The following CNTNAP2 variants were observed in gnomAD, a reference collection of about 807,000 sequenced individuals.
The protein encoded by CNTNAP2 is contactin associated protein 2.
Under a neutral mutation model 155.2 loss-of-function variants are expected in CNTNAP2, and 98 were observed. The ratio of observed to expected loss-of-function variants is 0.63; its 90% CI spans 0.54 to 0.75. The LOEUF (loss-of-function observed/expected upper bound fraction) is 0.75, where lower values mean the gene tolerates loss of function less well. CNTNAP2 is among the 30% of genes least tolerant of loss of function. CNTNAP2 has a pLI of 0.00. For missense variants in CNTNAP2, 1,727 were observed against 1,688.1 expected (o/e 1.02, Z -0.40); for synonymous variants, 651 against 631.2 (o/e 1.03, Z -0.47).
intron 15 of CNTNAP2, among the ~76,000 whole-genome samples, chr7:148,086,962 C>T (rs916927423): frequency 2.6e-5 from 4 of 152,114 alleles, no homozygotes; most frequent in Non-Finnish European, 4.4e-5. Flanking sequence ...ATTATCCCAT[C>T]GTTGTGATAT....
chr7:146,915,427 A>T (rs909244392), intron 3 of CNTNAP2, among the ~76,000 whole-genome samples: 1 of 152,112 alleles, frequency 6.6e-6, no homozygotes, highest in East Asian at 1.9e-4. Context: ...CACAATATTG[A>T]TTCTACCCAT....
intron 4 of CNTNAP2, among the ~76,000 whole-genome samples, chr7:147,092,948 C>T (rs879833932): frequency 2.0e-5 from 3 of 151,994 alleles, no homozygotes; most frequent in Admixed American, 1.3e-4. Flanking sequence ...TATGGCCGGG[C>T]GCGGTGGCTC....
intron 2 of CNTNAP2, among the ~76,000 whole-genome samples, chr7:146,804,760 G>A (rs1022711412): frequency 4.6e-5 from 7 of 152,106 alleles, no homozygotes; most frequent in African/African-American, 9.7e-5. Context: ...ACATGAAATA[G>A]CTACACTCAA....
chr7:147,863,073 C>T (rs1470409495), intron 13 of CNTNAP2, among the ~76,000 whole-genome samples: 7 of 152,036 alleles, frequency 4.6e-5, no homozygotes, highest in Admixed American at 3.3e-4. Context: ...AATGCTATTC[C>T]TCCCCCAGGC....
chr7:146,404,593 A>G (rs920753312), intron 1 of CNTNAP2, among the ~76,000 whole-genome samples: 7 of 152,166 alleles, frequency 4.6e-5, no homozygotes, highest in African/African-American at 1.7e-4. Flanking sequence ...TGCCACAATA[A>G]GTTATCCATT....
chr7:147,508,576 G>T (rs1228235456), intron 11 of CNTNAP2, among the ~76,000 whole-genome samples: 1 of 152,124 alleles, frequency 6.6e-6, no homozygotes, highest in Non-Finnish European at 1.5e-5. Context: ...GTCTTATCAG[G>T]TTAAATCCGG....
intron 8 of CNTNAP2, among the ~76,000 whole-genome samples, chr7:147,282,669 T>C (rs1254659418): frequency 2.6e-5 from 4 of 151,942 alleles, no homozygotes; most frequent in Admixed American, 6.6e-5. Context: ...TTTTATATTA[T>C]GTATCTGTGT....
At chr7:146,885,927 CGGTGTGTGTG>C (rs1795647572) in intron 3 of CNTNAP2, among the ~76,000 whole-genome samples, 2 of 95,054 alleles carry the variant, frequency 2.1e-5, no homozygotes, top group Non-Finnish European at 4.2e-5. Context: ...ATATGTAAGT[CGGTGTGTGTG>C]TGTGTGTGTG....
intron 1 of CNTNAP2, among the ~76,000 whole-genome samples, chr7:146,676,491 A>G (rs1563183927): frequency 6.6e-6 from 1 of 151,750 alleles, no homozygotes; most frequent in Admixed American, 6.6e-5. Flanking sequence ...TACCGGGAGT[A>G]TATGTGCGGG....
intron 21 of CNTNAP2, among the ~76,000 whole-genome samples, chr7:148,373,271 C>T (rs1245547025): frequency 6.6e-6 from 1 of 151,878 alleles, no homozygotes; most frequent in Non-Finnish European, 1.5e-5. Flanking sequence ...GCCTGGCCAA[C>T]GTGGTGAAAC....
At chr7:146,496,489 A>G (rs546117016) in intron 1 of CNTNAP2, among the ~76,000 whole-genome samples, 1 of 152,232 alleles carries the variant, frequency 6.6e-6, no homozygotes, top group Non-Finnish European at 1.5e-5. Context: ...ACTAAAATAA[A>G]AATTACAATG....
At chr7:146,498,551 A>G (rs1393631493) in intron 1 of CNTNAP2, among the ~76,000 whole-genome samples, 2 of 152,216 alleles carry the variant, frequency 1.3e-5, no homozygotes, top group Non-Finnish European at 2.9e-5. Context: ...ATTGGACTTT[A>G]GAAATTTTCA....
At chr7:146,128,901 C>G (rs1415391936) in intron 1 of CNTNAP2, among the ~76,000 whole-genome samples, 1 of 151,900 alleles carries the variant, frequency 6.6e-6, no homozygotes, top group African/African-American at 2.4e-5. Flanking sequence ...TTAAAACTTA[C>G]ATATCTGTAT....
intron 1 of CNTNAP2, among the ~76,000 whole-genome samples, chr7:146,389,594 C>T (rs1297004083): frequency 6.6e-6 from 1 of 151,244 alleles, no homozygotes; most frequent in Admixed American, 6.6e-5. Flanking sequence ...TTCTTTCCCT[C>T]CTTTTTCTAT....
intron 1 of CNTNAP2, among the ~76,000 whole-genome samples, chr7:146,265,850 A>G (rs1318976773): frequency 6.6e-6 from 1 of 151,938 alleles, no homozygotes; most frequent in African/African-American, 2.4e-5. Context: ...GTATTGGAAC[A>G]TTTGGGTTTT....
At chr7:146,872,643 A>C (rs1272885996) in intron 3 of CNTNAP2, among the ~76,000 whole-genome samples, 1 of 152,194 alleles carries the variant, frequency 6.6e-6, no homozygotes, top group Non-Finnish European at 1.5e-5. Context: ...GCTTAGCTTG[A>C]AGGCATCAAT....
intron 8 of CNTNAP2, among the ~76,000 whole-genome samples, chr7:147,247,507 CTTCA>C (rs1234188430): frequency 9.2e-5 from 14 of 152,164 alleles, no homozygotes; most frequent in African/African-American, 3.1e-4. Context: ...ATGGATTTTC[CTTCA>C]TTCAATCAGT....
intron 15 of CNTNAP2, among the ~76,000 whole-genome samples, chr7:148,014,695 C>A (rs1396885822): frequency 6.6e-6 from 1 of 152,202 alleles, no homozygotes; most frequent in Non-Finnish European, 1.5e-5. Flanking sequence ...GTTTTGAAAT[C>A]CATTAGTGAA....
chr7:148,330,166 TGGACGGATGG>T, intron 21 of CNTNAP2, among the ~76,000 whole-genome samples: 1 of 140,672 alleles, frequency 7.1e-6, no homozygotes, highest in South Asian at 2.3e-4. Context: ...ATGGATGGAG[TGGACGGATGG>T]AGTGGACAGA....
Sources: gnomAD v4.1 joint callset for allele counts (sites outside exome capture counted in the v4.1 genomes callset) on GRCh38, gnomAD v4.1.1 for gene constraint, MANE v1.5 for transcripts, NCBI Gene and HGNC (gene_info 2026-07-23, HGNC 2026-07-21) for gene names.